The following FBXL2 variants were observed in gnomAD, a reference collection of about 807,000 sequenced individuals.
FBXL2 encodes the protein F-box and leucine rich repeat protein 2.
Under a neutral mutation model 69.2 loss-of-function variants are expected in FBXL2, and 38 were observed. The ratio of observed to expected loss-of-function variants is 0.55; its 90% CI spans 0.42 to 0.72. FBXL2 has a LOEUF of 0.72. Among genes scored for constraint, FBXL2 ranks in the 30% least tolerant of loss-of-function variants. The pLI is 0.00. For missense variants in FBXL2, 354 were observed against 520.3 expected, an observed-to-expected ratio of 0.68 and a Z score of 3.11; for synonymous variants, 192 against 201.3, an observed-to-expected ratio of 0.95 and a Z score of 0.39.
chr3:33,307,915 C>G (rs975045320), intron 2 of FBXL2, among the ~76,000 whole-genome samples: 18 of 152,062 alleles, frequency 1.2e-4, no homozygotes, highest in Non-Finnish European at 1.9e-4. Flanking sequence ...TGAATTTAAA[C>G]ATATTTGATA....
chr3:33,328,509 G>A (rs560833642), intron 2 of FBXL2, among the ~76,000 whole-genome samples: 46 of 152,070 alleles, frequency 3.0e-4, no homozygotes, highest in African/African-American at 9.6e-4. Context: ...CACATAGAGC[G>A]GTGGAACAGA....
exon 13 of FBXL2, chr3:33,403,567 T>A (rs2044320726): frequency 6.7e-6 from 1 of 148,802 alleles, no homozygotes; most frequent in Non-Finnish European, 1.5e-5. Flanking sequence ...TCTGTCTGTC[T>A]GTCTGTCTGT....
chr3:33,420,190 G>GA, the FBXL2 span, among the ~76,000 whole-genome samples: 1 of 152,124 alleles, frequency 6.6e-6, no homozygotes, highest in Non-Finnish European at 1.5e-5. Flanking sequence ...TTAGTAACAT[G>GA]AACTGAAACT....
chr3:33,310,357 T>C (rs2037082195), intron 2 of FBXL2, among the ~76,000 whole-genome samples: 1 of 152,000 alleles, frequency 6.6e-6, no homozygotes, highest in African/African-American at 2.4e-5. Flanking sequence ...TCACCATTGT[T>C]ACCAAGGCTG....
chr3:33,396,894 A>G lies in FBXL2; in HGVS notation n.1215-6340A>G, dbSNP rs758202387. On this transcript the variant is annotated intron_variant and non_coding_transcript_variant, in intron 12 of 12. Coordinates refer to the FBXL2 transcript ENST00000463736. Reference sequence around the variant, plus strand: ...TGGGCCTGCCCTGAAGGTGTACACAAAACAGTCTTCTTGTGAGCACAATGC... The same window carrying G: ...TGGGCCTGCCCTGAAGGTGTACACAGAACAGTCTTCTTGTGAGCACAATGC... 25 of 756,942 alleles carry G rather than the reference A, an allele frequency of 3.3e-5. No individual in the cohort carries two copies. The Admixed American group carries it at 4.2e-4, about 13-fold the overall frequency. 46.9% of individuals were successfully genotyped at this position (756,942 alleles called of 1,614,324 possible). A position where few individuals can be genotyped will look rare whatever the true frequency, so the allele number is the denominator to read the frequency against.
At chr3:33,359,100 TA>T in intron 3 of FBXL2, 79 bp downstream of exon 3, 2 of 1,045,554 alleles carry the variant, frequency 1.9e-6, no homozygotes, top group East Asian at 5.4e-5. Context: ...TACTGAAAAT[TA>T]AAATTTTATT....
rs1340913515 is a variant in FBXL2 at position 33,386,752 on chromosome 3, C to G, written c.*1144C>G. On this transcript the variant is annotated 3_prime_UTR_variant, in exon 15 of 15. Transcript: ENST00000484457. ...TCTGATAAAATGACCCTACTCTCTGCTGTGGTTCATTCTTGCTCCATGCTG... is the reference window on the plus strand; with the variant it reads ...TCTGATAAAATGACCCTACTCTCTGGTGTGGTTCATTCTTGCTCCATGCTG... 6.6e-6 allele frequency: 1 copy of G among 152,206 alleles called. No individual in the cohort carries two copies. Among genetic ancestry groups the G allele is most frequent in the Non-Finnish European group, 1.5e-5 (1 of 68,042 alleles). 9.4% of individuals were successfully genotyped at this position (152,206 alleles called of 1,614,324 possible).
intron 5 of FBXL2, among the ~76,000 whole-genome samples, chr3:33,367,591 T>TG (rs908152498): frequency 2.4e-4 from 37 of 152,142 alleles, no homozygotes; most frequent in African/African-American, 8.7e-4. Context: ...TTGTCTTTTT[T>TG]TTTTTGGTCC....
chr3:33,396,094 A>G, intron 12 of FBXL2: 2 of 1,398,828 alleles, frequency 1.4e-6, no homozygotes, highest in Non-Finnish European at 2.0e-6. Context: ...AGCCTGCTCA[A>G]TCGAGTCCTT....
intron 2 of FBXL2, among the ~76,000 whole-genome samples, chr3:33,331,385 A>G (rs1429118560): frequency 6.6e-6 from 1 of 152,104 alleles, no homozygotes. Flanking sequence ...AGTGGCCCTC[A>G]CAGAGAAAGG....
At chr3:33,406,767 A>AGTG (rs765449090), downstream of FBXL2, among the ~76,000 whole-genome samples, 1 of 152,202 alleles carries the variant, frequency 6.6e-6, no homozygotes, top group Non-Finnish European at 1.5e-5. Flanking sequence ...CACTGTGAAC[A>AGTG]CAGTCCCTCC....
rs528146855 is a variant in FBXL2 at position 33,328,531 on chromosome 3, A to G, written c.66-30436A>G. 5.3e-5 allele frequency among the ~76,000 whole-genome samples: 8 copies of G among 152,294 alleles called. No homozygotes were observed. The South Asian group carries it at 1.7e-3, about 32-fold the overall frequency. ...AGCGGTGGAACAGAATAGAGAACCTAGATATAGATCCCTGTACTTACAGCC... is the reference window on the plus strand; with the variant it reads ...AGCGGTGGAACAGAATAGAGAACCTGGATATAGATCCCTGTACTTACAGCC... On this transcript the variant is annotated intron_variant, in intron 2 of 14. Transcript: ENST00000484457.
intron 2 of FBXL2, among the ~76,000 whole-genome samples, chr3:33,347,509 G>A (rs2040531190): frequency 6.6e-6 from 1 of 152,136 alleles, no homozygotes; most frequent in South Asian, 2.1e-4. Flanking sequence ...TCGATATACT[G>A]ATTTACTTTC....
chr3:33,380,515 G>A lies in FBXL2; in HGVS notation c.951+1774G>A, dbSNP rs563094675. ...GGAGATTGCTGTGAGCTGAGATCTC[G>A]CCATTGCACTCCAGCCTGGGCAACA... On this transcript the variant is annotated intron_variant, in intron 13 of 14. Coordinates refer to ENST00000484457, the MANE Select transcript of FBXL2 (RefSeq NM_012157.5). Among the ~76,000 whole-genome samples the A allele has an allele frequency of 2.1e-5, 3 of 142,848 alleles. No homozygotes were observed. The South Asian group carries it at 6.5e-4, about 31-fold the overall frequency. 93.7% of individuals were successfully genotyped at this position (142,848 alleles called of 152,430 possible).
At chr3:33,371,649 C>A (rs915722940) in intron 5 of FBXL2, among the ~76,000 whole-genome samples, 1 of 151,968 alleles carries the variant, frequency 6.6e-6, no homozygotes, top group Non-Finnish European at 1.5e-5. Flanking sequence ...TACCTTTTCT[C>A]TTTATTGTGG....
chr3:33,383,849 G>A, intron 13 of FBXL2, 140 bp from the exon 14 acceptor site: 1 of 678,860 alleles, frequency 1.5e-6, no homozygotes. Context: ...GGGAAGTCCA[G>A]GGGCTGGCAT....
chr3:33,414,733 A>G, the FBXL2 span, among the ~76,000 whole-genome samples: 1 of 152,166 alleles, frequency 6.6e-6, no homozygotes, highest in Admixed American at 6.5e-5. Flanking sequence ...TACAGAATAT[A>G]ACTGCATGCC....
intron 2 of FBXL2, chr3:33,317,431 G>T (rs959832382): frequency 2.2e-6 from 1 of 456,332 alleles, no homozygotes; most frequent in South Asian, 1.6e-5. Context: ...GGTACTTAAT[G>T]GTTTTGTTAC....
At chr3:33,342,711 C>CTTCTT (rs2040130255) in intron 2 of FBXL2, among the ~76,000 whole-genome samples, 1 of 37,914 alleles carries the variant, frequency 2.6e-5, no homozygotes, top group African/African-American at 1.1e-4. Flanking sequence ...AATATAACTT[C>CTTCTT]TTTTTTTTTT....
Sources: gnomAD v4.1 joint callset for allele counts (sites outside exome capture counted in the v4.1 genomes callset) on GRCh38, gnomAD v4.1.1 for gene constraint, MANE v1.5 for transcripts, NCBI Gene and HGNC (gene_info 2026-07-23, HGNC 2026-07-21) for gene names.